The following KMT5C variants were observed in gnomAD, a reference collection of about 807,000 sequenced individuals.
The protein encoded by KMT5C is lysine methyltransferase 5C, also known as histone-lysine N-methyltransferase KMT5C.
KMT5C carries 16 observed loss-of-function variants against 38.2 expected under a neutral mutation model. The ratio of observed to expected loss-of-function variants is 0.42; its 90% CI spans 0.28 to 0.64. The LOEUF is 0.64. KMT5C is among the 30% of genes least tolerant of loss of function. The probability of loss-of-function intolerance (pLI) is 0.23; values close to 1 mark genes in which losing one functional copy is unlikely to be tolerated. For missense variants in KMT5C, 598 were observed against 665.1 expected (o/e 0.90, Z 1.11); for synonymous variants, 291 against 279.0 (o/e 1.04, Z -0.43).
chr19:55,346,878 CAG>C (rs1043011229), intron 8 of KMT5C, 76 bp from the exon 9 acceptor site: 23 of 771,588 alleles, frequency 3.0e-5, no homozygotes, highest in Non-Finnish European at 6.5e-6. Flanking sequence ...CCTCCTTGTC[CAG>C]AGGAGGACCG....
chr19:55,342,484 G>A (rs2089571386), intron 3 of KMT5C, 104 bp downstream of exon 3: 1 of 972,418 alleles, frequency 1.0e-6, no homozygotes, highest in South Asian at 1.7e-5. Flanking sequence ...GCAGCCCCTG[G>A]GGCCCCCTGA....
chr19:55,340,970 C>G (rs1269144546), intron 1 of KMT5C, among the ~76,000 whole-genome samples: 5 of 152,190 alleles, frequency 3.3e-5, no homozygotes, highest in African/African-American at 1.2e-4. Flanking sequence ...CAGTCTGTCC[C>G]CGACCCCTCC....
chr19:55,346,833 C>G (rs568180027), intron 8 of KMT5C, 123 bp from the exon 9 acceptor site: 5 of 798,886 alleles, frequency 6.3e-6, no homozygotes, highest in East Asian at 5.2e-5. Flanking sequence ...GCAGTTCGGC[C>G]GCATCATTCC....
rs1275569896 is a variant in KMT5C, at chr19:55,343,604, C to T, written c.387-76C>T. The T allele has an allele frequency of 4.8e-6, 7 of 1,453,310 alleles. No individual in the cohort carries two copies. The highest frequency in any genetic ancestry group is 5.6e-6 in the Non-Finnish European group (6 of 1,068,696). 90.0% of individuals were successfully genotyped at this position (1,453,310 alleles called of 1,614,324 possible). ...TCCCTCCTTCCTGGGTGCCTCTGTGCCGGAGGCCCGAGTCCCCTGAACACC... is the reference window on the plus strand; with the variant it reads ...TCCCTCCTTCCTGGGTGCCTCTGTGTCGGAGGCCCGAGTCCCCTGAACACC... On this transcript the variant is annotated intron_variant, in intron 4 of 8. Coordinates refer to ENST00000255613, the MANE Select transcript of KMT5C (RefSeq NM_032701.4). This position sits in a 1 kb window ranked among gnomAD's most constrained non-coding sequence, Gnocchi z 5.5.
At chr19:55,345,586 G>A (rs1228747942) in intron 6 of KMT5C, among the ~76,000 whole-genome samples, 1 of 152,176 alleles carries the variant, frequency 6.6e-6, no homozygotes, top group East Asian at 1.9e-4. Flanking sequence ...GCTACTCCCA[G>A]GCAAATGTCA....
rs1313277398 is a variant in KMT5C, at chr19:55,346,588, C to T, written c.796C>T (p.Arg266Trp). The change falls in exon 8 of 9, where the codon CGG becomes TGG. Residue 266 changes from arginine to tryptophan, a missense_variant. Arg to Trp is a moderately radical substitution (Grantham distance 101). This residue lies in a region of KMT5C where 326 missense variants were observed against 298.1 expected (regional missense o/e 1.09). Coordinates refer to ENST00000255613, the MANE Select transcript of KMT5C (RefSeq NM_032701.4). ...LDKYQLRETK[R>W]RLQQGLDSGS... ...CAAGTACCAGCTGCGTGAGACCAAG[C>T]GGCGGCTGCAGCAAGGCCTGGACAG... The T allele has an allele frequency of 7.0e-6, 11 of 1,580,430 alleles. No homozygotes were observed. The highest frequency in any genetic ancestry group is 4.0e-5 in the African/African-American group (3 of 74,138).
At position 55,347,473 on chromosome 19, in the gene KMT5C, A is replaced by G; in HGVS notation, c.*24A>G. ...GACAGGCCGGACGGGGAGGCCCAGC[A>G]GGGAGAGAGGGTCTCTCTCCTAGCT... On this transcript the variant is annotated 3_prime_UTR_variant, in exon 9 of 9. Coordinates refer to ENST00000255613, the MANE Select transcript of KMT5C (RefSeq NM_032701.4). This position sits in a 1 kb window ranked among gnomAD's most constrained non-coding sequence, Gnocchi z 4.6. 2 of 1,511,110 alleles carry G rather than the reference A, an allele frequency of 1.3e-6. No individual in the cohort carries two copies. The highest frequency in any genetic ancestry group is 4.6e-5 in the East Asian group (2 of 43,910). 93.6% of individuals were successfully genotyped at this position (1,511,110 alleles called of 1,614,324 possible). A position where few individuals can be genotyped will look rare whatever the true frequency, so the allele number is the denominator to read the frequency against.
Position 55,346,664 on chromosome 19 carries a change from C to A in KMT5C, c.872C>A (p.Pro291Gln). 1 of 1,572,552 alleles carries A rather than the reference C, an allele frequency of 6.4e-7. No individual in the cohort carries two copies. Among genetic ancestry groups the A allele is most frequent in the Non-Finnish European group, 8.6e-7 (1 of 1,159,886 alleles). The change falls in exon 8 of 9, where the codon CCG (proline) becomes CAG (glutamine). Residue 291 changes from proline to glutamine, a missense_variant. By Grantham distance (76) the Pro-to-Gln change is moderately conservative (BLOSUM62 -1). Around this residue, in one of 3 missense-constraint regions of KMT5C, gnomAD observed 326 missense variants for 298.1 expected, o/e 1.09. Transcript: ENST00000255613. ...LGPRACVHPS[P>Q]LRRDPFCAAC... The stretch of plus-strand genomic sequence containing the variant: ...CCTCGGGCCTGCGTGCACCCATCCC[C>A]GCTGCGCCGGGACCCATTCTGCGGT...
intron 2 of KMT5C, 54 bp downstream of exon 2, chr19:55,342,100 G>A (rs1289014779): frequency 6.4e-7 from 1 of 1,573,062 alleles, no homozygotes; most frequent in Non-Finnish European, 8.7e-7. Context: ...CCCTCCCCTT[G>A]CACCGCTGCC....
In KMT5C at chr19:55,347,114, G is replaced by A; in HGVS notation, c.1054G>A (p.Ala352Thr). The A allele has an allele frequency of 6.4e-7, 1 of 1,551,138 alleles. No homozygotes were observed. The highest frequency in any genetic ancestry group is 1.2e-5 in the South Asian group (1 of 86,452). ...CCCAGTGCTCTCCACCCACCACGCT[G>A]CCCGCGTCTCCCTGCACCGATGGGG... ...RAPVLSTHHA[A>T]RVSLHRWGGC... is the part of the protein sequence containing the mutation. Residue 352 changes from alanine to threonine, a missense_variant, in exon 9 of 9, where the codon GCC (alanine) becomes ACC (threonine). By Grantham distance (58) the Ala-to-Thr change is moderately conservative (BLOSUM62 0). Coordinates refer to ENST00000255613, the MANE Select transcript of KMT5C (RefSeq NM_032701.4). The surrounding 1 kb of genome is among the most constrained non-coding windows in gnomAD (Gnocchi z 4.6).
At chr19:55,346,825 A>G in intron 8 of KMT5C, 131 bp from the exon 9 acceptor site, 2 of 616,610 alleles carry the variant, frequency 3.2e-6, no homozygotes, top group South Asian at 1.8e-5. Context: ...GCTGTTGAGC[A>G]GTTCGGCCGC....
chr19:55,345,735 G>A (rs1863031156), intron 6 of KMT5C, among the ~76,000 whole-genome samples: 1 of 152,176 alleles, frequency 6.6e-6, no homozygotes, highest in Non-Finnish European at 1.5e-5. Context: ...TGATCCCAAA[G>A]GCAGGGCCAG....
chr19:55,343,969 T>C lies in KMT5C; in HGVS notation c.551-9T>C. 1.2e-6 allele frequency: 2 copies of C among 1,612,454 alleles called. No homozygotes were observed. Among genetic ancestry groups the C allele is most frequent in the Non-Finnish European group, 1.7e-6 (2 of 1,178,708 alleles). ...CCTCTCTTCTCTCTCCTGCCCCAAC[T>C]GGCTCCAGACTGCAAACCCAACTGC... On this transcript the variant is annotated splice_polypyrimidine_tract_variant and intron_variant, in intron 5 of 8. Coordinates refer to ENST00000255613, the MANE Select transcript of KMT5C (RefSeq NM_032701.4). This position sits in a 1 kb window ranked among gnomAD's most constrained non-coding sequence, Gnocchi z 5.5.
Position 55,346,196 on chromosome 19 carries a change from G to A in KMT5C, c.571-17G>A. On this transcript the variant is annotated splice_polypyrimidine_tract_variant and intron_variant, in intron 6 of 8. Transcript: ENST00000255613. Reference sequence around the variant, plus strand: ...CCTGTGCCCTGGGCCAGGGCGCTGAGTGGGCTTGGCCCTCAGTTTGTGCCT... The same window carrying A: ...CCTGTGCCCTGGGCCAGGGCGCTGAATGGGCTTGGCCCTCAGTTTGTGCCT... The A allele has an allele frequency of 1.9e-6, 3 of 1,613,406 alleles. No homozygotes were observed. Among genetic ancestry groups the A allele is most frequent in the Non-Finnish European group, 2.5e-6 (3 of 1,179,850 alleles).
At position 55,341,845 on chromosome 19, in the gene KMT5C, A is replaced by C. The variant is rs1002562075; in HGVS notation, c.-92A>C. 62 of 904,418 alleles carry C rather than the reference A, an allele frequency of 6.9e-5. No homozygotes were observed. The highest frequency in any genetic ancestry group is 1.1e-4 in the Non-Finnish European group (58 of 549,834). The allele number at this position is 904,418 out of a possible 1,614,324, so 56.0% of individuals were successfully genotyped here. A position where few individuals can be genotyped will look rare whatever the true frequency, so the allele number is the denominator to read the frequency against. On this transcript the variant is annotated 5_prime_UTR_variant, in exon 2 of 9. Coordinates refer to ENST00000255613, the MANE Select transcript of KMT5C (RefSeq NM_032701.4). Reference sequence around the variant, plus strand: ...CCCCATGGCTTCTGAGTAGCGTGGGAGTGGAGTCAGCACCAAGCCAGGCTC... The same window carrying C: ...CCCCATGGCTTCTGAGTAGCGTGGGCGTGGAGTCAGCACCAAGCCAGGCTC...
chr19:55,343,657 C>G lies in KMT5C; in HGVS notation c.387-23C>G. The stretch of plus-strand genomic sequence containing the variant: ...CAGGAGGCCAGGCATCGCCCACAGC[C>G]CTGCCCCCTGGCCTCTTGGCAGGAA... On this transcript the variant is annotated intron_variant, in intron 4 of 8. Transcript: ENST00000255613. The surrounding 1 kb of genome is among the most constrained non-coding windows in gnomAD (Gnocchi z 5.5). The G allele has an allele frequency of 6.5e-7, 1 of 1,550,276 alleles. No individual in the cohort carries two copies. The highest frequency in any genetic ancestry group is 8.7e-7 in the Non-Finnish European group (1 of 1,146,888).
rs1395084596 is a variant in KMT5C, at chr19:55,347,040, A to C, written c.980A>C (p.Gln327Pro). 6.5e-7 allele frequency: 1 copy of C among 1,537,414 alleles called. No individual in the cohort carries two copies. Among genetic ancestry groups the C allele is most frequent in the South Asian group, 1.1e-5 (1 of 89,642 alleles). Residue 327 changes from glutamine to proline, a missense_variant, in exon 9 of 9, where the codon CAG becomes CCG. Coordinates refer to ENST00000255613, the MANE Select transcript of KMT5C (RefSeq NM_032701.4). The surrounding 1 kb of genome is among the most constrained non-coding windows in gnomAD (Gnocchi z 4.6). The part of the protein sequence containing the change: ...PLWLQWLPQP[Q>P]PRVRPRKRRR... ...TGGCTCCAGTGGCTGCCTCAGCCCC[A>C]GCCCCGAGTGCGGCCCCGGAAGCGC...
intron 6 of KMT5C, chr19:55,344,927 T>G (rs1478583070): frequency 2.1e-6 from 1 of 469,972 alleles, no homozygotes. Context: ...CCCCTGGCCT[T>G]TGGTTTTTCA....
At chr19:55,340,833 C>T (rs1214575038) in intron 1 of KMT5C, among the ~76,000 whole-genome samples, 1 of 151,754 alleles carries the variant, frequency 6.6e-6, no homozygotes, top group African/African-American at 2.4e-5. Flanking sequence ...GCAGCCTTCT[C>T]CCTCCCACAG....
Sources: allele counts gnomAD v4.1 joint callset (sites outside exome capture counted in the v4.1 genomes callset), GRCh38; gene constraint gnomAD v4.1.1; regional missense constraint gnomAD v4.1.1; non-coding constraint Gnocchi (gnomAD v3.1); transcripts MANE v1.5; gene names NCBI Gene and HGNC (gene_info 2026-07-23, HGNC 2026-07-21).